LRP1B: variants seen among roughly 807,000 people sequenced by gnomAD.
The protein encoded by LRP1B is LDL receptor related protein 1B.
Under a neutral mutation model 556.6 loss-of-function variants are expected in LRP1B, and 217 were observed. The ratio of observed to expected loss-of-function variants is 0.39; its 90% CI spans 0.35 to 0.44. The LOEUF (loss-of-function observed/expected upper bound fraction) is 0.44. Among genes scored for constraint, LRP1B ranks in the 20% least tolerant of loss-of-function variants. The probability of loss-of-function intolerance (pLI) is 1.00; values close to 1 mark genes in which losing one functional copy is unlikely to be tolerated. For synonymous variants in LRP1B, 2,047 were observed against 1,865.8 expected (o/e 1.10, Z -2.50); for missense variants, 5,053 against 5,620.8 (o/e 0.90, Z 3.23).
At chr2:141,286,032 A>C (rs1323391390) in intron 3 of LRP1B, among the ~76,000 whole-genome samples, 1 of 133,804 alleles carries the variant, frequency 7.5e-6, no homozygotes, top group Non-Finnish European at 1.5e-5. Flanking sequence ...CCGCCACTGC[A>C]CTCCAGCCTG....
In LRP1B at chr2:140,542,068, T is replaced by C. The variant is rs186711957; in HGVS notation, c.7195-97A>G. On this transcript the variant is annotated intron_variant, in intron 43 of 90. Transcript: ENST00000389484. ...TTCAAAAATAAAAGATTAGGATTAGTTGGATTTAATTAACAGAAATCATCA... is the reference window on the plus strand; with the variant it reads ...TTCAAAAATAAAAGATTAGGATTAGCTGGATTTAATTAACAGAAATCATCA... The C allele has an allele frequency of 1.9e-4, 136 of 718,136 alleles. 1 individual carries two copies. The African/African-American group carries it at 2.3e-3, about 12-fold the overall frequency. The allele number at this position is 718,136 out of a possible 1,614,324, so 44.5% of individuals were successfully genotyped here. A position where few individuals can be genotyped will look rare whatever the true frequency, so the allele number is the denominator to read the frequency against.
chr2:141,364,453 A>G (rs1304926321), intron 3 of LRP1B, among the ~76,000 whole-genome samples: 1 of 152,052 alleles, frequency 6.6e-6, no homozygotes, highest in East Asian at 1.9e-4. Context: ...AAAACATCTC[A>G]TTGTACCCCA....
At chr2:141,029,893 T>C (rs982376383) in intron 11 of LRP1B, among the ~76,000 whole-genome samples, 3 of 152,274 alleles carry the variant, frequency 2.0e-5, no homozygotes, top group African/African-American at 7.2e-5. Context: ...TATTGCACAA[T>C]GTTTAGCAGC....
intron 2 of LRP1B, among the ~76,000 whole-genome samples, chr2:141,760,015 G>C (rs556598237): frequency 4.3e-4 from 66 of 152,254 alleles, no homozygotes; most frequent in African/African-American, 1.5e-3. Flanking sequence ...TATAATCCCA[G>C]CTACTCGGGA....
intron 1 of LRP1B, among the ~76,000 whole-genome samples, chr2:142,049,846 G>A (rs1213234601): frequency 6.6e-6 from 1 of 152,060 alleles, no homozygotes; most frequent in Non-Finnish European, 1.5e-5. Flanking sequence ...TTCTTTATGA[G>A]TACAAAGATG....
chr2:140,400,166 T>C (rs1472539884), intron 66 of LRP1B, among the ~76,000 whole-genome samples: 1 of 152,198 alleles, frequency 6.6e-6, no homozygotes, highest in Non-Finnish European at 1.5e-5. Flanking sequence ...TCACCATTTC[T>C]GTCCACACTA....
Position 141,566,186 on chromosome 2 carries a change from G to T in LRP1B, c.206-85653C>A, listed in dbSNP as rs140774811. ...AAAAAAAGAAAAAAGAACTAGCAAG[G>T]TGATCCCTCCAATATCCTCCTGAAT... is the stretch of plus-strand genomic sequence containing the variant. On this transcript the variant is annotated intron_variant, in intron 2 of 90. Transcript: ENST00000389484. 8.7e-3 allele frequency among the ~76,000 whole-genome samples: 1,308 copies of T among 151,094 alleles called. 13 individuals are homozygous for T. The highest frequency in any genetic ancestry group is 0.029 in the African/African-American group (1,180 of 41,252).
intron 1 of LRP1B, among the ~76,000 whole-genome samples, chr2:141,817,229 G>A (rs1208153112): frequency 1.3e-5 from 2 of 152,086 alleles, no homozygotes; most frequent in Non-Finnish European, 2.9e-5. Context: ...ATGAAACATA[G>A]TGTTTTACAC....
intron 3 of LRP1B, among the ~76,000 whole-genome samples, chr2:141,333,113 T>G (rs1158206691): frequency 6.9e-6 from 1 of 145,846 alleles, no homozygotes; most frequent in African/African-American, 2.4e-5. Flanking sequence ...TGAAGACTAA[T>G]TTTTTACAGT....
chr2:141,287,677 C>A (rs994790336), intron 3 of LRP1B, among the ~76,000 whole-genome samples: 4 of 152,094 alleles, frequency 2.6e-5, no homozygotes, highest in Non-Finnish European at 5.9e-5. Context: ...GATTTCTTAT[C>A]GTTATGCTTT....
At chr2:141,183,187 A>C (rs1389940937) in intron 7 of LRP1B, among the ~76,000 whole-genome samples, 1 of 152,000 alleles carries the variant, frequency 6.6e-6, no homozygotes, top group Non-Finnish European at 1.5e-5. Flanking sequence ...CTGCAAGTGC[A>C]TTAGTTAGTG....
chr2:141,569,739 A>G (rs1289744802), intron 2 of LRP1B, among the ~76,000 whole-genome samples: 1 of 151,234 alleles, frequency 6.6e-6, no homozygotes, highest in Non-Finnish European at 1.5e-5. Flanking sequence ...AACAAGTGTT[A>G]ACTAGTCTGA....
intron 84 of LRP1B, among the ~76,000 whole-genome samples, chr2:140,292,831 C>T (rs1683445404): frequency 6.6e-6 from 1 of 152,114 alleles, no homozygotes; most frequent in Admixed American, 6.6e-5. Context: ...TAAAGCTACC[C>T]TAGAAGACAA....
intron 1 of LRP1B, among the ~76,000 whole-genome samples, chr2:141,859,902 C>T (rs1197185033): frequency 1.3e-5 from 2 of 152,158 alleles, no homozygotes; most frequent in Admixed American, 6.6e-5. Context: ...ACTATTTCAT[C>T]ACCCTTTTCA....
In LRP1B at chr2:140,989,643, G is replaced by A. The variant is rs1475200427; in HGVS notation, c.2659C>T (p.Pro887Ser). The A allele has an allele frequency of 6.2e-7, 1 of 1,612,866 alleles. No homozygotes were observed. Among genetic ancestry groups the A allele is most frequent in the South Asian group, 1.1e-5 (1 of 91,030 alleles). ...TTCTGGCATTTAAACTGATCATCAG[G>A]ACAGCTATGATTGACTGGGAGGGAG... Reference protein sequence around the residue: ...DSVNCFNHSCPDDQFKCQNNR... With the variant: ...DSVNCFNHSCSDDQFKCQNNR... The change falls in exon 17 of 91, where the codon CCT becomes TCT. Residue 887 changes from proline to serine, a missense_variant. Around this residue, in one of 5 missense-constraint regions of LRP1B, gnomAD observed 3,619 missense variants for 3,931.9 expected, o/e 0.92. Transcript: ENST00000389484.
chr2:142,099,566 C>A (rs561353404), intron 1 of LRP1B, among the ~76,000 whole-genome samples: 2 of 151,950 alleles, frequency 1.3e-5, no homozygotes, highest in South Asian at 4.2e-4. Flanking sequence ...ATATAAAAAT[C>A]GTTCATGCTA....
chr2:141,107,640 G>A (rs938428749), intron 7 of LRP1B, among the ~76,000 whole-genome samples: 1 of 141,208 alleles, frequency 7.1e-6, no homozygotes, highest in East Asian at 2.5e-4. Context: ...GCAAGACTCC[G>A]TGTCAAAGAA....
intron 1 of LRP1B, among the ~76,000 whole-genome samples, chr2:142,012,165 T>C (rs1702977865): frequency 6.6e-6 from 1 of 152,172 alleles, no homozygotes; most frequent in East Asian, 1.9e-4. Flanking sequence ...ACCTTTATTT[T>C]TCCAAATTAG....
intron 1 of LRP1B, among the ~76,000 whole-genome samples, chr2:141,955,744 T>C (rs1701229722): frequency 6.6e-6 from 1 of 152,096 alleles, no homozygotes. Context: ...TTGCCCGACC[T>C]CTTTACAGCT....
Sources: allele counts gnomAD v4.1 joint callset (sites outside exome capture counted in the v4.1 genomes callset), GRCh38; gene constraint gnomAD v4.1.1; regional missense constraint gnomAD v4.1.1; transcripts MANE v1.5; gene names NCBI Gene and HGNC (gene_info 2026-07-23, HGNC 2026-07-21).